The following ZFAT variants were observed in gnomAD, a reference collection of about 807,000 sequenced individuals.
The protein encoded by ZFAT is zinc finger protein ZFAT.
In ZFAT, 64 loss-of-function variants were observed where a neutral mutation model predicts 117.7. The ratio of observed to expected loss-of-function variants is 0.54; its 90% CI spans 0.44 to 0.67. The LOEUF is 0.67. Ranked by LOEUF, ZFAT falls within the 30% of genes least tolerant of loss-of-function variation. The pLI is 0.00. For missense variants in ZFAT, 1,433 were observed against 1,584.5 expected, an observed-to-expected ratio of 0.90 and a Z score of 1.62; for synonymous variants, 679 against 615.0, an observed-to-expected ratio of 1.10 and a Z score of -1.54.
chr8:134,489,778 A>G (rs922187143), intron 15 of ZFAT, among the ~76,000 whole-genome samples: 10 of 152,190 alleles, frequency 6.6e-5, no homozygotes, highest in African/African-American at 1.7e-4. Flanking sequence ...TGTGTGTAGC[A>G]TATTTCCTAC....
chr8:134,796,571 G>A, the ZFAT span: 1 of 152,102 alleles, frequency 6.6e-6, no homozygotes, highest in Admixed American at 6.6e-5. Context: ...GCCTCCTTAG[G>A]AAGCACCAGG....
chr8:134,484,030 A>T (rs1817497247), intron 15 of ZFAT, among the ~76,000 whole-genome samples: 1 of 151,754 alleles, frequency 6.6e-6, no homozygotes, highest in African/African-American at 2.4e-5. Flanking sequence ...CCTTCGTAAA[A>T]CCCATTCCTC....
chr8:134,694,350 T>G (rs1833726383), intron 1 of ZFAT, among the ~76,000 whole-genome samples: 1 of 152,154 alleles, frequency 6.6e-6, no homozygotes, highest in Non-Finnish European at 1.5e-5. Context: ...ACACCGAAGA[T>G]ACTTAGGAAT....
intron 9 of ZFAT, among the ~76,000 whole-genome samples, chr8:134,584,532 G>T (rs1825929557): frequency 6.6e-6 from 1 of 152,228 alleles, no homozygotes; most frequent in Non-Finnish European, 1.5e-5. Context: ...AGGACCAAAT[G>T]TGGAAGCACA....
At chr8:134,823,535 T>C in the ZFAT span, among the ~76,000 whole-genome samples, 2 of 152,154 alleles carry the variant, frequency 1.3e-5, no homozygotes, top group South Asian at 2.1e-4. Flanking sequence ...AAAGGAGGTA[T>C]AGAATGGTTA....
chr8:134,481,107 C>A (rs1817273939), intron 15 of ZFAT, among the ~76,000 whole-genome samples: 3 of 152,088 alleles, frequency 2.0e-5, no homozygotes, highest in Admixed American at 6.5e-5. Context: ...GTTTTTTCAT[C>A]TTTTCCTATT....
chr8:134,782,322 C>T, the ZFAT span, among the ~76,000 whole-genome samples: 1 of 152,106 alleles, frequency 6.6e-6, no homozygotes, highest in Non-Finnish European at 1.5e-5. Flanking sequence ...ATCTTTATTC[C>T]TTTATATTTC....
chr8:134,700,315 A>C (rs1205121600), intron 1 of ZFAT, among the ~76,000 whole-genome samples: 1 of 152,214 alleles, frequency 6.6e-6, no homozygotes, highest in Non-Finnish European at 1.5e-5. Context: ...CACATTTCTG[A>C]GGTGGGGGAC....
At chr8:134,637,869 C>T (rs1165006651) in intron 2 of ZFAT, among the ~76,000 whole-genome samples, 157 bp from the exon 3 acceptor site, 1 of 152,180 alleles carries the variant, frequency 6.6e-6, no homozygotes, top group Non-Finnish European at 1.5e-5. Flanking sequence ...AAACAATTAT[C>T]GTTGGTGCTA....
At chr8:134,624,216 A>ACACACCCC (rs1554605682) in intron 3 of ZFAT, among the ~76,000 whole-genome samples, 12 of 146,298 alleles carry the variant, frequency 8.2e-5, no homozygotes, top group Middle Eastern at 7.5e-3. Flanking sequence ...ACACACACAC[A>ACACACCCC]CACCCTTAAC....
At chr8:134,515,872 T>G (rs1820218175) in intron 13 of ZFAT, among the ~76,000 whole-genome samples, 1 of 152,120 alleles carries the variant, frequency 6.6e-6, no homozygotes, top group Non-Finnish European at 1.5e-5. Context: ...TCATACTGTC[T>G]CTCTAAAAAA....
chr8:134,805,134 T>C, the ZFAT span, among the ~76,000 whole-genome samples: 5 of 152,194 alleles, frequency 3.3e-5, no homozygotes, highest in Admixed American at 3.3e-4. Flanking sequence ...CCTAAATAAA[T>C]CTAATTTTAA....
At position 134,512,550 on chromosome 8, in the gene ZFAT, C is replaced by T; in HGVS notation, c.3286G>A (p.Glu1096Lys). 6.2e-7 allele frequency: 1 copy of T among 1,614,008 alleles called. No homozygotes were observed. Among genetic ancestry groups the T allele is most frequent in the Non-Finnish European group, 8.5e-7 (1 of 1,179,892 alleles). The change falls in exon 14 of 16, where the codon GAG becomes AAG. Residue 1096 changes from glutamate (E) to lysine (K), a missense_variant. This residue lies in a region of ZFAT where 503 missense variants were observed against 543.4 expected (regional missense o/e 0.93). Transcript: ENST00000377838. The part of the protein sequence containing the change: ...EPSTQYLHIT[E>K]AEEDVQGTQA... ...GTCCCTTGAACGTCTTCTTCGGCCT[C>T]TGTGATGTGGAGATACTGGGTGGAG...
chr8:134,520,356 C>T (rs1820562368), intron 13 of ZFAT, among the ~76,000 whole-genome samples: 1 of 152,098 alleles, frequency 6.6e-6, no homozygotes, highest in Non-Finnish European at 1.5e-5. Context: ...TCCGTGGTGG[C>T]AATACCTAGT....
At chr8:134,494,966 C>T (rs1391510290) in intron 15 of ZFAT, among the ~76,000 whole-genome samples, 1 of 152,186 alleles carries the variant, frequency 6.6e-6, no homozygotes, top group Non-Finnish European at 1.5e-5. Flanking sequence ...ATCCACATGA[C>T]CCACGTACTT....
intron 12 of ZFAT, among the ~76,000 whole-genome samples, chr8:134,523,048 G>A (rs1054309085): frequency 5.4e-4 from 82 of 152,234 alleles, no homozygotes; most frequent in African/African-American, 1.9e-3. Flanking sequence ...CTAGAGCACT[G>A]ATCCTCAGCC....
chr8:134,477,898 G>GT lies in ZFAT; in HGVS notation c.*583_*584insA. On this transcript the variant is annotated 3_prime_UTR_variant, in exon 16 of 16. Coordinates refer to ENST00000377838, the MANE Select transcript of ZFAT (RefSeq NM_020863.4). Reference sequence around the variant, plus strand: ...TGAAATAATTCCAGGATGGTAGGGCGAGACCCTGTGATGGGTGAATTTACC... The same window carrying GT: ...TGAAATAATTCCAGGATGGTAGGGCGTAGACCCTGTGATGGGTGAATTTACC... 6.5e-6 allele frequency: 1 copy of GT among 153,216 alleles called. No individual in the cohort carries two copies. Among genetic ancestry groups the GT allele is most frequent in the Non-Finnish European group, 1.5e-5 (1 of 68,716 alleles). The allele number at this position is 153,216 out of a possible 1,614,324, so 9.5% of individuals were successfully genotyped here. A position where few individuals can be genotyped will look rare whatever the true frequency, so the allele number is the denominator to read the frequency against.
chr8:134,638,560 C>CAAAAAAAAAAAAAAAAAAAA (rs1563711719), intron 2 of ZFAT, among the ~76,000 whole-genome samples: 9 of 63,012 alleles, frequency 1.4e-4, no homozygotes, highest in African/African-American at 6.8e-4. Context: ...AAAAAAAAAA[C>CAAAAAAAAAAAAAAAAAAAA]AAAACAAAAA....
intron 1 of ZFAT, chr8:134,674,777 A>G: frequency 3.3e-6 from 1 of 298,760 alleles, no homozygotes; most frequent in Non-Finnish European, 6.7e-6. Flanking sequence ...CCCCTCTGGG[A>G]CGAAGCTTCC....
Sources: gnomAD v4.1 joint callset for allele counts (sites outside exome capture counted in the v4.1 genomes callset) on GRCh38, gnomAD v4.1.1 for gene constraint, gnomAD v4.1.1 regional missense constraint, MANE v1.5 for transcripts, NCBI Gene and HGNC (gene_info 2026-07-23, HGNC 2026-07-21) for gene names.